The following CR1L variants were observed in gnomAD, a reference collection of about 807,000 sequenced individuals.
CR1L encodes the protein complement component receptor 1-like protein.
In CR1L, 59 loss-of-function variants were observed where a neutral mutation model predicts 62.3. That is an observed-to-expected ratio of 0.95 (90% confidence interval 0.77 to 1.18). The LOEUF (loss-of-function observed/expected upper bound fraction) is 1.18. Among genes scored for constraint, CR1L ranks in the 50% most tolerant of loss-of-function variants. The probability of loss-of-function intolerance (pLI) is 0.00; values close to 1 mark genes in which losing one functional copy is unlikely to be tolerated. For missense variants in CR1L, 700 were observed against 702.8 expected, an observed-to-expected ratio of 1.00 and a Z score of 0.04; for synonymous variants, 279 against 248.7, an observed-to-expected ratio of 1.12 and a Z score of -1.15.
intron 1 of CR1L, among the ~76,000 whole-genome samples, chr1:207,660,338 C>A (rs144508171): frequency 0.026 from 4,031 of 152,332 alleles, 190 homozygotes; most frequent in African/African-American, 0.092. Context: ...AAGGATCAGG[C>A]AGCAATATTG....
intron 10 of CR1L, among the ~76,000 whole-genome samples, chr1:207,710,061 C>T: frequency 6.6e-6 from 1 of 151,858 alleles, no homozygotes; most frequent in Non-Finnish European, 1.5e-5. Context: ...TTTAAGAAAC[C>T]ATGCCGGGCA....
At chr1:207,684,825 A>C (rs538462161) in intron 4 of CR1L, among the ~76,000 whole-genome samples, 9 of 152,206 alleles carry the variant, frequency 5.9e-5, no homozygotes, top group Non-Finnish European at 1.2e-4. Flanking sequence ...AGAGAAATGC[A>C]GTGTATAACA....
At chr1:207,663,651 T>G (rs531853587) in intron 1 of CR1L, among the ~76,000 whole-genome samples, 2 of 152,222 alleles carry the variant, frequency 1.3e-5, no homozygotes, top group Admixed American at 1.3e-4. Flanking sequence ...CCCACTGTCC[T>G]GCACTCCCCA....
intron 3 of CR1L, among the ~76,000 whole-genome samples, chr1:207,682,992 T>TTTCTTTCTTTCTTTCTTTCTTTC (rs1558017874): frequency 8.3e-5 from 7 of 84,832 alleles, no homozygotes; most frequent in South Asian, 6.5e-4. Flanking sequence ...TTCTTTCTTT[T>TTTCTTTCTTTCTTTCTTTCTTTC]TTTCTTTCTT....
chr1:207,707,929 C>G (rs1468973249), intron 9 of CR1L, among the ~76,000 whole-genome samples: 1 of 151,936 alleles, frequency 6.6e-6, no homozygotes, highest in Non-Finnish European at 1.5e-5. Flanking sequence ...TATTTTGGTG[C>G]CAGGTACAGT....
intron 1 of CR1L, among the ~76,000 whole-genome samples, chr1:207,672,743 T>G (rs1279171412): frequency 6.6e-6 from 1 of 152,138 alleles, no homozygotes; most frequent in African/African-American, 2.4e-5. Context: ...GGTCCTCATG[T>G]AGGATCTGAT....
chr1:207,715,573 A>G (rs1173023646), intron 10 of CR1L, among the ~76,000 whole-genome samples: 1 of 152,200 alleles, frequency 6.6e-6, no homozygotes, highest in Non-Finnish European at 1.5e-5. Flanking sequence ...TTTGTTACTA[A>G]TCTGTAAATC....
chr1:207,655,104 A>G, intron 1 of CR1L: 1 of 349,080 alleles, frequency 2.9e-6, no homozygotes, highest in South Asian at 3.6e-5. Context: ...TGCAGCGTAG[A>G]AAATAAACCA....
At chr1:207,716,103 C>A (rs1381436236) in intron 10 of CR1L, among the ~76,000 whole-genome samples, 1 of 152,060 alleles carries the variant, frequency 6.6e-6, no homozygotes, top group African/African-American at 2.4e-5. Context: ...TAGGACTTTC[C>A]ATGTGTAGAA....
chr1:207,652,865 A>C (rs1218603405), intron 1 of CR1L: 1 of 381,966 alleles, frequency 2.6e-6, no homozygotes, highest in East Asian at 5.1e-5. Flanking sequence ...ATAGCAATGC[A>C]TTTTTGCAGA....
intron 10 of CR1L, chr1:207,710,575 C>T: frequency 6.2e-7 from 1 of 1,610,092 alleles, no homozygotes; most frequent in Admixed American, 1.7e-5. Context: ...TCTGGAGCGG[C>T]CCAGTCCCTC....
At chr1:207,659,057 G>A (rs11118282) in intron 1 of CR1L, 59,512 of 152,628 alleles carry the variant, frequency 0.39, 11,805 homozygotes, top group African/African-American at 0.42. Flanking sequence ...TGGCCCTGCC[G>A]CCGCCCCACC....
intron 10 of CR1L, chr1:207,710,757 G>A: frequency 6.2e-7 from 1 of 1,608,004 alleles, no homozygotes; most frequent in Non-Finnish European, 8.5e-7. Flanking sequence ...GAACAAATGG[G>A]AGCCGGAGCT....
At chr1:207,688,204 G>T (rs1471955507) in intron 4 of CR1L, among the ~76,000 whole-genome samples, 1 of 152,084 alleles carries the variant, frequency 6.6e-6, no homozygotes, top group Non-Finnish European at 1.5e-5. Flanking sequence ...TGAGCACAGG[G>T]GTTCAAGGCT....
At chr1:207,689,943 C>T (rs1663970732) in intron 4 of CR1L, among the ~76,000 whole-genome samples, 1 of 152,020 alleles carries the variant, frequency 6.6e-6, no homozygotes, top group South Asian at 2.1e-4. Context: ...TCTGTAAATT[C>T]TGTAGTGGTA....
chr1:207,703,997 G>C (rs1399843892), intron 9 of CR1L, among the ~76,000 whole-genome samples: 1 of 152,154 alleles, frequency 6.6e-6, no homozygotes, highest in African/African-American at 2.4e-5. Context: ...AATACATTTT[G>C]TAAGGCTATA....
chr1:207,669,461 C>T (rs1663575401), intron 1 of CR1L: 1 of 1,488,250 alleles, frequency 6.7e-7, no homozygotes, highest in Non-Finnish European at 9.3e-7. Context: ...GTCTCTTCTC[C>T]GAGAAGCCGG....
chr1:207,714,097 G>A (rs554312393), intron 10 of CR1L, among the ~76,000 whole-genome samples: 46 of 152,328 alleles, frequency 3.0e-4, no homozygotes, highest in Non-Finnish European at 5.4e-4. Context: ...ACAATAGAAG[G>A]GTGAGGAGGG....
intron 10 of CR1L, among the ~76,000 whole-genome samples, chr1:207,708,674 T>C (rs1299431783): frequency 6.6e-6 from 1 of 152,228 alleles, no homozygotes; most frequent in African/African-American, 2.4e-5. Flanking sequence ...TTATTCTTTG[T>C]CTAAACAGGA....
Sources: allele counts gnomAD v4.1 joint callset (sites outside exome capture counted in the v4.1 genomes callset), GRCh38; gene constraint gnomAD v4.1.1; transcripts MANE v1.5; gene names NCBI Gene and HGNC (gene_info 2026-07-23, HGNC 2026-07-21).